The following C6orf89 variants were observed in gnomAD, a reference collection of about 807,000 sequenced individuals.
C6orf89 encodes the protein bombesin receptor-activated protein C6orf89.
In C6orf89, 29 loss-of-function variants were observed where a neutral mutation model predicts 40.7. That is an observed-to-expected ratio of 0.71 (90% CI 0.53 to 0.97). The LOEUF (loss-of-function observed/expected upper bound fraction) is 0.97, where lower values mean the gene tolerates loss of function less well. Among genes scored for constraint, C6orf89 ranks in the 50% least tolerant of loss-of-function variants. The probability of loss-of-function intolerance (pLI) is 0.00; values close to 1 mark genes in which losing one functional copy is unlikely to be tolerated. For missense variants in C6orf89, 392 were observed against 429.1 expected, an observed-to-expected ratio of 0.91 and a Z score of 0.76; for synonymous variants, 165 against 152.2, an observed-to-expected ratio of 1.08 and a Z score of -0.62.
rs184551695 is a variant in C6orf89, at chr6:36,887,787, C to T, written c.-120+1759C>T. Among the ~76,000 whole-genome samples the T allele has an allele frequency of 5.9e-5, 9 of 152,314 alleles. No homozygotes were observed. The South Asian group carries it at 8.3e-4, about 14-fold the overall frequency. ...AGGTTGGAGTACAGTGGTGCTATTA[C>T]GGTTCACTGCAGCCTCGAACTCCTG... On this transcript the variant is annotated intron_variant, in intron 1 of 8. Transcript: ENST00000480824.
chr6:36,886,096 C>G, intron 1 of C6orf89, 68 bp downstream of exon 1: 1 of 1,209,494 alleles, frequency 8.3e-7, no homozygotes, highest in Non-Finnish European at 1.0e-6. Context: ...GCGCCCGTCT[C>G]TGACATCCTC....
In C6orf89 at chr6:36,902,089, TTG is replaced by T. The variant is rs376053858; in HGVS notation, c.190-130_190-129del. On this transcript the variant is annotated intron_variant, in intron 3 of 8. Coordinates refer to ENST00000480824, the MANE Select transcript of C6orf89 (RefSeq NM_001286635.2). Reference sequence around the variant, plus strand: ...TCTTCCAGAAGTAAACCTAAGTGGCTTGTTTATGAAAATGGATTAGTTCTTAA... The same window carrying T: ...TCTTCCAGAAGTAAACCTAAGTGGCTTTTATGAAAATGGATTAGTTCTTAA... 198 of 718,980 alleles carry T rather than the reference TTG, an allele frequency of 2.8e-4. No individual in the cohort carries two copies. The African/African-American group carries it at 3.2e-3, about 12-fold the overall frequency. 44.5% of individuals were successfully genotyped at this position (718,980 alleles called of 1,614,324 possible). A position where few individuals can be genotyped will look rare whatever the true frequency, so the allele number is the denominator to read the frequency against.
Position 36,903,957 on chromosome 6 carries a change from T to TA in C6orf89, c.403+1536dup, listed in dbSNP as rs1262257204. Among the ~76,000 whole-genome samples the TA allele has an allele frequency of 8.1e-3, 1,149 of 142,022 alleles. 9 individuals are homozygous for TA. Among genetic ancestry groups the TA allele is most frequent in the Middle Eastern group, 0.075 (21 of 280 alleles). 93.2% of individuals were successfully genotyped at this position (142,022 alleles called of 152,430 possible). On this transcript the variant is annotated intron_variant, in intron 4 of 8. Coordinates refer to ENST00000480824, the MANE Select transcript of C6orf89 (RefSeq NM_001286635.2). ...GCTTTTGAAATGTCACCAACAGAGC[T>TA]AAAAAAAAAAAAATGCAGTCTCAAA... is the stretch of plus-strand genomic sequence containing the variant.
intron 2 of C6orf89, among the ~76,000 whole-genome samples, chr6:36,895,918 T>C (rs1271384735): frequency 6.6e-6 from 1 of 152,236 alleles, no homozygotes; most frequent in East Asian, 1.9e-4. Context: ...TTTGCGGAAC[T>C]GCCAGGCTGT....
At chr6:36,920,978 TAAAA>T (rs34178132) in intron 8 of C6orf89, among the ~76,000 whole-genome samples, 3 of 145,924 alleles carry the variant, frequency 2.1e-5, no homozygotes, top group Non-Finnish European at 4.6e-5. Context: ...AGGGAAAAAT[TAAAA>T]AAAAAAAAGT....
intron 1 of C6orf89, among the ~76,000 whole-genome samples, chr6:36,875,341 C>T (rs1314854465): frequency 1.3e-5 from 2 of 152,198 alleles, no homozygotes; most frequent in Admixed American, 1.3e-4. Flanking sequence ...GCAGTTAATA[C>T]TTGTTTTTCC....
chr6:36,879,505 T>C (rs1203286181), intron 2 of C6orf89, among the ~76,000 whole-genome samples: 1 of 152,156 alleles, frequency 6.6e-6, no homozygotes, highest in East Asian at 1.9e-4. Flanking sequence ...CCAGTCAGAT[T>C]TTTGGCTTCT....
intron 1 of C6orf89, among the ~76,000 whole-genome samples, chr6:36,893,628 A>G (rs1367554740): frequency 1.3e-5 from 2 of 152,140 alleles, no homozygotes; most frequent in Non-Finnish European, 2.9e-5. Flanking sequence ...TAAGATTTTT[A>G]TGTGTATCAA....
chr6:36,911,544 TA>T (rs1415632192), intron 4 of C6orf89, among the ~76,000 whole-genome samples: 1 of 152,130 alleles, frequency 6.6e-6, no homozygotes, highest in African/African-American at 2.4e-5. Flanking sequence ...ATAATTCTCC[TA>T]ACTCTTAGGT....
chr6:36,887,127 T>C (rs991759658), intron 1 of C6orf89, among the ~76,000 whole-genome samples: 4 of 151,974 alleles, frequency 2.6e-5, no homozygotes, highest in Non-Finnish European at 5.9e-5. Context: ...TTGTTTTTTT[T>C]TTTTTGAGAC....
rs58417436 is a variant in C6orf89, at chr6:36,889,582, C to CAAAAAAAAAAAAAAAAAAAAA, written c.-120+3565_-120+3566insAAAAAAAAAAAAAAAAAAAAA. On this transcript the variant is annotated intron_variant, in intron 1 of 8. Transcript: ENST00000480824. ...GTCCTAAAAGACCAAAAAACAAAAACAAAAAAAAAAAGAAAAACCACACAC... is the reference window on the plus strand; with the variant it reads ...GTCCTAAAAGACCAAAAAACAAAAACAAAAAAAAAAAAAAAAAAAAAAAAAAAAAAAAGAAAAACCACACAC... 5.7e-4 allele frequency among the ~76,000 whole-genome samples: 80 copies of CAAAAAAAAAAAAAAAAAAAAA among 140,266 alleles called. 5 individuals carry two copies. The highest frequency in any genetic ancestry group is 1.5e-3 in the East Asian group (7 of 4,822). The allele number at this position is 140,266 out of a possible 152,430, so 92.0% of individuals were successfully genotyped here. A position where few individuals can be genotyped will look rare whatever the true frequency, so the allele number is the denominator to read the frequency against.
chr6:36,919,531 C>A (rs773691208), intron 7 of C6orf89, 47 bp from the exon 8 acceptor site: 4 of 1,584,646 alleles, frequency 2.5e-6, no homozygotes, highest in Admixed American at 1.7e-5. Context: ...GGTTTTATTT[C>A]GTTTTCTTTG....
intron 1 of C6orf89, chr6:36,874,738 G>C: frequency 6.2e-7 from 1 of 1,614,166 alleles, no homozygotes; most frequent in Non-Finnish European, 8.5e-7. Context: ...GTAAACGTTG[G>C]GTGGCTGCCA....
chr6:36,917,293 C>T (rs2150713124), intron 7 of C6orf89, among the ~76,000 whole-genome samples: 1 of 152,212 alleles, frequency 6.6e-6, no homozygotes, highest in South Asian at 2.1e-4. Flanking sequence ...GCAGGCAGCC[C>T]AGCTGGGGTA....
chr6:36,875,066 G>A (rs1190028195), intron 1 of C6orf89: 2 of 398,896 alleles, frequency 5.0e-6, no homozygotes, highest in African/African-American at 2.1e-5. Context: ...AGGCATGGAA[G>A]GCGGGAACAA....
rs929228344 is a variant in C6orf89 at position 36,902,396 on chromosome 6, T to A, written c.365T>A (p.Val122Asp). ...AKKYMSENKG[V>D]PLHGGDEDRP... ...AAGTACATGTCAGAAAATAAGGGAGTTCCTCTGCATGGGGGTGATGAAGAC... is the reference window on the plus strand; with the variant it reads ...AAGTACATGTCAGAAAATAAGGGAGATCCTCTGCATGGGGGTGATGAAGAC... Residue 122 changes from valine (V) to aspartate (D), a missense_variant, in exon 4 of 9, where the codon GTT (valine) becomes GAT (aspartate). By Grantham distance (152) the Val-to-Asp change is radical. Coordinates refer to ENST00000480824, the MANE Select transcript of C6orf89 (RefSeq NM_001286635.2). 2 of 1,614,062 alleles carry A rather than the reference T, an allele frequency of 1.2e-6. No homozygotes were observed. The highest frequency in any genetic ancestry group is 2.7e-5 in the African/African-American group (2 of 74,986).
intron 1 of C6orf89, among the ~76,000 whole-genome samples, chr6:36,887,964 G>T (rs971389913): frequency 6.6e-6 from 1 of 152,046 alleles, no homozygotes; most frequent in Non-Finnish European, 1.5e-5. Flanking sequence ...GGCTCAAGCA[G>T]TCCTCCCACC....
Position 36,924,736 on chromosome 6 carries a change from G to A in C6orf89, c.*1295G>A, listed in dbSNP as rs990190712. ...ATGCCATTGCCAAGATGAAGAAAAA[G>A]CAAACTACACTTTGGCCTCTGGTTC... is the stretch of plus-strand genomic sequence containing the variant. On this transcript the variant is annotated 3_prime_UTR_variant, in exon 9 of 9. Transcript: ENST00000480824. The A allele has an allele frequency of 5.9e-5, 9 of 152,102 alleles. No individual in the cohort carries two copies. Among genetic ancestry groups the A allele is most frequent in the African/African-American group, 2.2e-4 (9 of 41,416 alleles). The allele number at this position is 152,102 out of a possible 1,614,324, so 9.4% of individuals were successfully genotyped here.
chr6:36,881,235 G>A (rs1224976810), upstream of C6orf89, among the ~76,000 whole-genome samples: 1 of 152,216 alleles, frequency 6.6e-6, no homozygotes, highest in Non-Finnish European at 1.5e-5. Context: ...CATGCAAGGT[G>A]TGTAAGGAGA....
Sources: allele counts gnomAD v4.1 joint callset (sites outside exome capture counted in the v4.1 genomes callset), GRCh38; gene constraint gnomAD v4.1.1; transcripts MANE v1.5; gene names NCBI Gene and HGNC (gene_info 2026-07-23, HGNC 2026-07-21).